The following L3MBTL3 variants were observed in gnomAD, a reference collection of about 807,000 sequenced individuals.
The protein encoded by L3MBTL3 is L3MBTL histone methyl-lysine binding protein 3.
L3MBTL3 carries 27 observed loss-of-function variants against 102.3 expected under a neutral mutation model. The observed-to-expected ratio is 0.26, with a 90% CI of 0.19 to 0.36. The LOEUF is 0.36. L3MBTL3 is among the 10% of genes least tolerant of loss of function. The probability of loss-of-function intolerance (pLI) is 1.00; values close to 1 mark genes in which losing one functional copy is unlikely to be tolerated. For missense variants in L3MBTL3, 798 were observed against 955.3 expected (o/e 0.84, Z 2.17); for synonymous variants, 340 against 320.9 (o/e 1.06, Z -0.64).
chr6:130,057,514 A>G lies in L3MBTL3; in HGVS notation c.759+17A>G, dbSNP rs1339417460. 1 of 1,588,302 alleles carries G rather than the reference A, an allele frequency of 6.3e-7. No homozygotes were observed. Among genetic ancestry groups the G allele is most frequent in the South Asian group, 1.2e-5 (1 of 86,640 alleles). On this transcript the variant is annotated intron_variant, in intron 9 of 22. Transcript: ENST00000361794. ...TTCAAGGAGGTACGGGCCCTTCTAG[A>G]GACGTGATCTGTAAGGGCGCAGGAG...
At chr6:130,136,658 C>G (rs1787712072) in intron 22 of L3MBTL3, among the ~76,000 whole-genome samples, 1 of 152,000 alleles carries the variant, frequency 6.6e-6, no homozygotes, top group Non-Finnish European at 1.5e-5. Flanking sequence ...CACTCTGTCG[C>G]CCAGGCTGGA....
intron 19 of L3MBTL3, among the ~76,000 whole-genome samples, chr6:130,120,339 T>G (rs1786060054): frequency 6.6e-6 from 1 of 152,186 alleles, no homozygotes; most frequent in African/African-American, 2.4e-5. Flanking sequence ...CATGTTTAGT[T>G]TAGCATTAGG....
intron 2 of L3MBTL3, among the ~76,000 whole-genome samples, chr6:130,032,139 C>T (rs1397585117): frequency 6.6e-6 from 1 of 152,034 alleles, no homozygotes; most frequent in Non-Finnish European, 1.5e-5. Flanking sequence ...GTCTTGAACT[C>T]CTGGCCTCAG....
intron 19 of L3MBTL3, among the ~76,000 whole-genome samples, chr6:130,110,970 C>G (rs1237898453): frequency 6.6e-6 from 1 of 152,130 alleles, no homozygotes; most frequent in Admixed American, 6.5e-5. Context: ...TGTAATTTCC[C>G]ACTCAGATTT....
intron 19 of L3MBTL3, among the ~76,000 whole-genome samples, chr6:130,105,726 C>T (rs910056048): frequency 2.0e-5 from 3 of 151,436 alleles, no homozygotes; most frequent in African/African-American, 4.9e-5. Context: ...GGTAAGAATA[C>T]GCTTTAGATT....
intron 22 of L3MBTL3, among the ~76,000 whole-genome samples, chr6:130,134,150 C>T (rs926085327): frequency 6.6e-6 from 1 of 152,134 alleles, no homozygotes; most frequent in Non-Finnish European, 1.5e-5. Context: ...CACTAGGCTC[C>T]TTATAAAAAG....
chr6:130,108,265 T>C (rs1231085486), intron 19 of L3MBTL3, among the ~76,000 whole-genome samples: 2 of 138,524 alleles, frequency 1.4e-5, no homozygotes, highest in African/African-American at 2.6e-5. Flanking sequence ...GATGGAGTCT[T>C]GCTCTGTCAC....
chr6:130,114,914 T>C (rs1785566507), intron 19 of L3MBTL3, among the ~76,000 whole-genome samples: 1 of 152,156 alleles, frequency 6.6e-6, no homozygotes, highest in African/African-American at 2.4e-5. Flanking sequence ...TCAAGTACAG[T>C]CGCTCTTCAT....
chr6:130,062,437 T>G (rs1584351951), intron 10 of L3MBTL3, among the ~76,000 whole-genome samples: 1 of 150,892 alleles, frequency 6.6e-6, no homozygotes, highest in South Asian at 2.1e-4. Context: ...GAGGCTGGAG[T>G]GCAGTGACGT....
At chr6:130,084,360 A>G (rs1199829832) in intron 15 of L3MBTL3, among the ~76,000 whole-genome samples, 1 of 152,120 alleles carries the variant, frequency 6.6e-6, no homozygotes, top group Non-Finnish European at 1.5e-5. Context: ...TATATCAAAT[A>G]TTTATTTTTT....
At chr6:130,039,866 G>A (rs1304911448) in intron 2 of L3MBTL3, among the ~76,000 whole-genome samples, 1 of 152,124 alleles carries the variant, frequency 6.6e-6, no homozygotes, top group Non-Finnish European at 1.5e-5. Flanking sequence ...GTATGAGGTT[G>A]GAAAAGGAAG....
At chr6:130,117,743 A>G (rs1423393124) in intron 19 of L3MBTL3, among the ~76,000 whole-genome samples, 2 of 151,914 alleles carry the variant, frequency 1.3e-5, no homozygotes. Context: ...TTTGTCACCG[A>G]GGCTGAAGTG....
Position 130,108,220 on chromosome 6 carries a change from G to T in L3MBTL3, c.1886+3645G>T, listed in dbSNP as rs529037320. On this transcript the variant is annotated intron_variant, in intron 19 of 22. Coordinates refer to ENST00000361794, the MANE Select transcript of L3MBTL3 (RefSeq NM_032438.4). ...ATAAGCCCTCAATAAATGTTAGGTG[G>T]TTTTTTTTTTGTTTTTTTTTTTTTT... Among the ~76,000 whole-genome samples the T allele has an allele frequency of 7.1e-4, 84 of 118,716 alleles. 1 individual carries two copies. The highest frequency in any genetic ancestry group is 2.1e-3 in the African/African-American group (72 of 34,718). The allele number at this position is 118,716 out of a possible 152,430, so 77.9% of individuals were successfully genotyped here.
Position 130,078,676 on chromosome 6 carries a change from C to CAA in L3MBTL3, c.1321+43_1321+44dup. 3 of 1,311,752 alleles carry CAA rather than the reference C, an allele frequency of 2.3e-6. No individual in the cohort carries two copies. In the Admixed American group the frequency reaches 5.7e-5, roughly 25 times the overall value. The allele number at this position is 1,311,752 out of a possible 1,614,324, so 81.3% of individuals were successfully genotyped here. On this transcript the variant is annotated intron_variant, in intron 14 of 22. Coordinates refer to ENST00000361794, the MANE Select transcript of L3MBTL3 (RefSeq NM_032438.4). The stretch of plus-strand genomic sequence containing the variant: ...TGTGGCTAATACTATTCGTAGACTT[C>CAA]AAGAGTAGGCAGACTTTTTCTGTAA...
At chr6:130,053,037 G>T (rs771087967) in intron 7 of L3MBTL3, 46 bp downstream of exon 7, 1 of 1,436,272 alleles carries the variant, frequency 7.0e-7, no homozygotes, top group Admixed American at 1.7e-5. Flanking sequence ...TGCATCTTTA[G>T]TGGGTAGCAT....
intron 2 of L3MBTL3, among the ~76,000 whole-genome samples, 152 bp downstream of exon 2, chr6:130,022,457 ATGTAAT>A (rs1487248150): frequency 6.6e-6 from 1 of 152,202 alleles, no homozygotes; most frequent in African/African-American, 2.4e-5. Flanking sequence ...TTGACACTAA[ATGTAAT>A]TGTAGTTTGG....
At chr6:130,060,472 G>T (rs994881013) in intron 10 of L3MBTL3, among the ~76,000 whole-genome samples, 4 of 146,988 alleles carry the variant, frequency 2.7e-5, no homozygotes, top group African/African-American at 5.0e-5. Flanking sequence ...TGTGTGTGTT[G>T]TTTTTTTTTT....
At chr6:130,074,393 C>T (rs933560271) in intron 13 of L3MBTL3, among the ~76,000 whole-genome samples, 1 of 152,160 alleles carries the variant, frequency 6.6e-6, no homozygotes, top group Non-Finnish European at 1.5e-5. Context: ...GCTTTTGTTA[C>T]TGATAGTTGG....
chr6:130,035,855 G>T (rs909702007), intron 2 of L3MBTL3, among the ~76,000 whole-genome samples: 1 of 152,176 alleles, frequency 6.6e-6, no homozygotes, highest in South Asian at 2.1e-4. Flanking sequence ...CCACCAGGGT[G>T]TACTTTCAGG....
Sources: allele counts gnomAD v4.1 joint callset (sites outside exome capture counted in the v4.1 genomes callset), GRCh38; gene constraint gnomAD v4.1.1; transcripts MANE v1.5; gene names NCBI Gene and HGNC (gene_info 2026-07-23, HGNC 2026-07-21).